WHRN: variants seen among roughly 807,000 people sequenced by gnomAD.
WHRN encodes whirlin, also known as CASK-interacting protein CIP98.
In WHRN, 41 loss-of-function variants were observed where a neutral mutation model predicts 68.3. The ratio of observed to expected loss-of-function variants is 0.60; its 90% CI spans 0.47 to 0.78. The LOEUF (loss-of-function observed/expected upper bound fraction) is 0.78, where lower values mean the gene tolerates loss of function less well. Among genes scored for constraint, WHRN ranks in the 30% least tolerant of loss-of-function variants. WHRN has a pLI of 0.00. For missense variants in WHRN, 1,243 were observed against 1,244.7 expected, an observed-to-expected ratio of 1.00 and a Z score of 0.02; for synonymous variants, 560 against 561.3, an observed-to-expected ratio of 1.00 and a Z score of 0.03.
chr9:114,459,736 T>C (rs565267332), intron 3 of WHRN, among the ~76,000 whole-genome samples: 2 of 152,340 alleles, frequency 1.3e-5, no homozygotes, highest in East Asian at 3.9e-4. Flanking sequence ...ACACAGTCAC[T>C]GAAACATTGT....
chr9:114,410,522 T>C (rs1376167600), intron 7 of WHRN, among the ~76,000 whole-genome samples: 1 of 152,088 alleles, frequency 6.6e-6, no homozygotes, highest in African/African-American at 2.4e-5. Flanking sequence ...AGGCAGCAGG[T>C]GGGGACAGAA....
At chr9:114,485,560 C>T (rs574295019) in intron 1 of WHRN, among the ~76,000 whole-genome samples, 29 of 152,140 alleles carry the variant, frequency 1.9e-4, no homozygotes, top group South Asian at 8.3e-4. Context: ...GGCATGGTGG[C>T]GGGTGGCTGT....
intron 3 of WHRN, among the ~76,000 whole-genome samples, chr9:114,448,071 T>C (rs1364178164): frequency 6.6e-6 from 1 of 152,178 alleles, no homozygotes; most frequent in East Asian, 1.9e-4. Flanking sequence ...CCCAAAAATA[T>C]GTCCAAGTTC....
At chr9:114,502,890 G>C (rs957671510) in intron 1 of WHRN, among the ~76,000 whole-genome samples, 1 of 152,224 alleles carries the variant, frequency 6.6e-6, no homozygotes, top group Non-Finnish European at 1.5e-5. Flanking sequence ...AAAGGGAAAA[G>C]ATTGATAGAG....
At chr9:114,499,406 TG>T (rs746395382) in intron 1 of WHRN, among the ~76,000 whole-genome samples, 5 of 152,212 alleles carry the variant, frequency 3.3e-5, no homozygotes, top group Non-Finnish European at 5.9e-5. Context: ...TTGAAAGATT[TG>T]TATTTCAACC....
intron 1 of WHRN, among the ~76,000 whole-genome samples, chr9:114,499,882 T>G (rs1337445776): frequency 1.3e-5 from 2 of 152,232 alleles, no homozygotes; most frequent in Non-Finnish European, 2.9e-5. Context: ...CAGAGGAGAA[T>G]GACAGGAAAA....
chr9:114,488,619 C>A (rs1035010484), intron 1 of WHRN, among the ~76,000 whole-genome samples: 5 of 152,168 alleles, frequency 3.3e-5, no homozygotes, highest in African/African-American at 9.7e-5. Flanking sequence ...GGGTCTTGAA[C>A]CCCGAGCAGG....
At chr9:114,482,653 A>G (rs1209190977) in intron 1 of WHRN, among the ~76,000 whole-genome samples, 1 of 152,074 alleles carries the variant, frequency 6.6e-6, no homozygotes, top group Non-Finnish European at 1.5e-5. Context: ...ATCGAAAACC[A>G]TGCGGTAGCA....
chr9:114,419,829 G>A (rs1395149409), intron 7 of WHRN, among the ~76,000 whole-genome samples: 2 of 152,182 alleles, frequency 1.3e-5, no homozygotes, highest in Admixed American at 6.5e-5. Flanking sequence ...GCAAGAAAGT[G>A]GCAGAGCTGG....
chr9:114,472,057 G>A (rs561555707), intron 2 of WHRN, among the ~76,000 whole-genome samples: 2 of 152,348 alleles, frequency 1.3e-5, no homozygotes, highest in East Asian at 1.9e-4. Flanking sequence ...ACCTGAATGT[G>A]TGTGCTCCTA....
At chr9:114,425,584 G>GACACAC (rs1380886335) in intron 4 of WHRN, 1 of 89,650 alleles carries the variant, frequency 1.1e-5, no homozygotes, top group Non-Finnish European at 2.2e-5. Context: ...AGGGAAGGGG[G>GACACAC]AGACACACAC....
At position 114,505,468 on chromosome 9, in the gene WHRN, G is replaced by C. The variant is rs1844312784; in HGVS notation, c.-667C>G. 1.3e-5 allele frequency: 2 copies of C among 152,264 alleles called. No homozygotes were observed. Among genetic ancestry groups the C allele is most frequent in the Non-Finnish European group, 2.9e-5 (2 of 68,070 alleles). The allele number at this position is 152,264 out of a possible 1,614,324, so 9.4% of individuals were successfully genotyped here. ...TGCGAACTGTTGAGCCACCCGGGCC[G>C]AGTCTTCCAGCGAGTTCCGACGCCG... On this transcript the variant is annotated 5_prime_UTR_variant, in exon 1 of 12. Coordinates refer to ENST00000362057, the MANE Select transcript of WHRN (RefSeq NM_015404.4).
chr9:114,413,589 G>T (rs957790427), intron 7 of WHRN, among the ~76,000 whole-genome samples: 1 of 152,230 alleles, frequency 6.6e-6, no homozygotes. Context: ...CAGGGTAGGG[G>T]TGTAAGTCTG....
chr9:114,480,416 G>A (rs1842008608), intron 1 of WHRN, among the ~76,000 whole-genome samples: 1 of 152,164 alleles, frequency 6.6e-6, no homozygotes, highest in Non-Finnish European at 1.5e-5. Flanking sequence ...GCCTTTAGGG[G>A]GTAACTGGAG....
Position 114,402,180 on chromosome 9 carries a change from G to A in WHRN, c.*574C>T, listed in dbSNP as rs536512100. 8 of 168,310 alleles carry A rather than the reference G, an allele frequency of 4.8e-5. No individual in the cohort carries two copies. The highest frequency in any genetic ancestry group is 1.1e-4 in the Admixed American group (2 of 18,200). The allele number at this position is 168,310 out of a possible 1,614,324, so 10.4% of individuals were successfully genotyped here. ...ACCTGCAAGGCCTCTGGGATAGGCT[G>A]GGGGTGCAGAGGGAAGCTGGGGCCT... On this transcript the variant is annotated 3_prime_UTR_variant, in exon 12 of 12. Transcript: ENST00000362057.
intron 11 of WHRN, 119 bp downstream of exon 11, chr9:114,403,098 A>G: frequency 6.4e-7 from 1 of 1,552,900 alleles, no homozygotes; most frequent in Non-Finnish European, 8.9e-7. Flanking sequence ...AAGGTGACAT[A>G]AGCCTAGGTC....
At chr9:114,492,797 G>A (rs779441200) in intron 1 of WHRN, among the ~76,000 whole-genome samples, 4 of 151,918 alleles carry the variant, frequency 2.6e-5, no homozygotes, top group African/African-American at 4.8e-5. Flanking sequence ...ACCAGCCTGC[G>A]CAACATGGTG....
intron 2 of WHRN, among the ~76,000 whole-genome samples, chr9:114,474,407 G>C (rs1841483331): frequency 6.6e-6 from 1 of 152,018 alleles, no homozygotes; most frequent in Non-Finnish European, 1.5e-5. Context: ...AGTCTCTGTT[G>C]TCTACAGAAA....
At chr9:114,485,451 G>C (rs1681969463) in intron 1 of WHRN, among the ~76,000 whole-genome samples, 1 of 152,214 alleles carries the variant, frequency 6.6e-6, no homozygotes. Context: ...AGCACTTTGG[G>C]AGGCCGAGGC....
Sources: gnomAD v4.1 joint callset for allele counts (sites outside exome capture counted in the v4.1 genomes callset) on GRCh38, gnomAD v4.1.1 for gene constraint, MANE v1.5 for transcripts, NCBI Gene and HGNC (gene_info 2026-07-23, HGNC 2026-07-21) for gene names.